The following AGFG2 variants were observed in gnomAD, a reference collection of about 807,000 sequenced individuals.
The protein encoded by AGFG2 is arf-GAP domain and FG repeat-containing protein 2.
AGFG2 carries 31 observed loss-of-function variants against 48.0 expected under a neutral mutation model. The observed-to-expected ratio is 0.65, with a 90% CI of 0.49 to 0.87. The LOEUF (loss-of-function observed/expected upper bound fraction) is 0.87, where lower values mean the gene tolerates loss of function less well. AGFG2 is among the 40% of genes least tolerant of loss of function. The pLI, the probability that AGFG2 is intolerant of heterozygous loss-of-function variation, is 0.00. For missense variants in AGFG2, 599 were observed against 632.6 expected (o/e 0.95, Z 0.57); for synonymous variants, 229 against 260.8 (o/e 0.88, Z 1.18).
chr7:100,558,808 A>G (rs1011504243), intron 6 of AGFG2, among the ~76,000 whole-genome samples: 14 of 152,148 alleles, frequency 9.2e-5, no homozygotes, highest in African/African-American at 3.4e-4. Context: ...TGTCCCAAGC[A>G]TTAAACCTTT....
chr7:100,544,162 C>T (rs924219758), intron 1 of AGFG2, among the ~76,000 whole-genome samples: 51 of 152,316 alleles, frequency 3.3e-4, no homozygotes, highest in African/African-American at 1.1e-3. Context: ...CAAGGATGGA[C>T]GCTAACTTTG....
rs1208702228 is a variant in AGFG2 at position 100,565,186 on chromosome 7, C to G, written c.*195C>G. 1.5e-6 allele frequency: 1 copy of G among 646,322 alleles called. No individual in the cohort carries two copies. The highest frequency in any genetic ancestry group is 2.7e-6 in the Non-Finnish European group (1 of 370,334). 40.0% of individuals were successfully genotyped at this position (646,322 alleles called of 1,614,324 possible). On this transcript the variant is annotated 3_prime_UTR_variant, in exon 12 of 12. Transcript: ENST00000300176. Reference sequence around the variant, plus strand: ...GCCTCTCTCCCCTCCCTCGTCCCACCCCCACCCAGGCAGGAAGCCCAGGAG... The same window carrying G: ...GCCTCTCTCCCCTCCCTCGTCCCACGCCCACCCAGGCAGGAAGCCCAGGAG...
At position 100,555,831 on chromosome 7, in the gene AGFG2, T is replaced by G; in HGVS notation, c.877+96T>G. On this transcript the variant is annotated intron_variant, in intron 6 of 11. Coordinates refer to ENST00000300176, the MANE Select transcript of AGFG2 (RefSeq NM_006076.5). ...TCATATCCTCACTATCCTAAAGAAC[T>G]GCTCAAAGCAGCAAAGCACAAAGAG... The G allele has an allele frequency of 2.7e-6, 4 of 1,508,830 alleles. No individual in the cohort carries two copies. In the South Asian group the frequency reaches 4.9e-5, roughly 19 times the overall value. 93.5% of individuals were successfully genotyped at this position (1,508,830 alleles called of 1,614,324 possible).
Position 100,553,440 on chromosome 7 carries a change from T to G in AGFG2, c.525T>G (p.Leu175=). ...GCTCCATCCCAGAAGGGAAGCCCCT[T>G]CGGACACTTCTGGGTGATCCTGCAC... The part of the protein sequence containing the change: ...VQGSIPEGKP[L]RTLLGDPAPS... The change falls in exon 4 of 12, where the codon CTT becomes CTG. Residue 175 remains leucine (L), a synonymous_variant. Coordinates refer to ENST00000300176, the MANE Select transcript of AGFG2 (RefSeq NM_006076.5). 6.2e-7 allele frequency: 1 copy of G among 1,614,170 alleles called. No homozygotes were observed. The highest frequency in any genetic ancestry group is 8.5e-7 in the Non-Finnish European group (1 of 1,180,004).
At chr7:100,558,440 C>T (rs777611358) in intron 6 of AGFG2, among the ~76,000 whole-genome samples, 3 of 151,900 alleles carry the variant, frequency 2.0e-5, no homozygotes, top group African/African-American at 2.4e-5. Context: ...TGGGAGCACT[C>T]GAGGAAACAG....
intron 5 of AGFG2, among the ~76,000 whole-genome samples, chr7:100,555,278 T>TG (rs1584387159): frequency 1.4e-5 from 2 of 139,796 alleles, no homozygotes; most frequent in Non-Finnish European, 3.1e-5. Context: ...TTTTTTTTTT[T>TG]TTTTTTTTTT....
At chr7:100,541,150 T>C (rs1001426701) in intron 1 of AGFG2, among the ~76,000 whole-genome samples, 3 of 152,134 alleles carry the variant, frequency 2.0e-5, no homozygotes, top group Admixed American at 2.0e-4. Context: ...CATATGGGCA[T>C]TGCGGTTTCC....
Position 100,562,196 on chromosome 7 carries a change from C to T in AGFG2, c.878-63C>T. On this transcript the variant is annotated intron_variant, in intron 6 of 11. Transcript: ENST00000300176. The surrounding 1 kb of genome is among the most constrained non-coding windows in gnomAD (Gnocchi z 5.4). Reference sequence around the variant, plus strand: ...ATCACCACCACCACCTCCATCTGCTCTCCTGCCCCTCCCGCCCTGTCTTAC... The same window carrying T: ...ATCACCACCACCACCTCCATCTGCTTTCCTGCCCCTCCCGCCCTGTCTTAC... 1 of 1,576,916 alleles carries T rather than the reference C, an allele frequency of 6.3e-7. No individual in the cohort carries two copies. The highest frequency in any genetic ancestry group is 8.6e-7 in the Non-Finnish European group (1 of 1,157,358).
chr7:100,550,229 C>T (rs1047851697), intron 2 of AGFG2, among the ~76,000 whole-genome samples, 167 bp from the exon 3 acceptor site: 3 of 151,362 alleles, frequency 2.0e-5, no homozygotes, highest in African/African-American at 7.3e-5. Context: ...ATTGCTTGAA[C>T]CCCGGAGGTG....
Position 100,539,370 on chromosome 7 carries a change from C to A in AGFG2, c.24C>A (p.Gly8=). 1 of 1,273,116 alleles carries A rather than the reference C, an allele frequency of 7.9e-7. No individual in the cohort carries two copies. The highest frequency in any genetic ancestry group is 9.9e-7 in the Non-Finnish European group (1 of 1,006,048). 78.9% of individuals were successfully genotyped at this position (1,273,116 alleles called of 1,614,324 possible). Residue 8 remains glycine, a synonymous_variant, in exon 1 of 12, where the codon GGC becomes GGA. Transcript: ENST00000300176. The part of the protein sequence containing the change: MVMAAKK[G]PGPGGGVSGG... Reference sequence around the variant, plus strand: ...CGATGGTGATGGCGGCGAAGAAGGGCCCGGGCCCGGGCGGCGGGGTCAGCG... The same window carrying A: ...CGATGGTGATGGCGGCGAAGAAGGGACCGGGCCCGGGCGGCGGGGTCAGCG...
chr7:100,548,586 T>G (rs985660578), intron 1 of AGFG2, among the ~76,000 whole-genome samples: 1 of 152,168 alleles, frequency 6.6e-6, no homozygotes, highest in Non-Finnish European at 1.5e-5. Flanking sequence ...GTGCTGGGAT[T>G]ACAGGTGTGA....
rs1351130213 is a variant in AGFG2, at chr7:100,539,288, G to A, written c.-59G>A. ...GGCGTGCGGAGGCGGCTGAGGAGGC[G>A]GGAAGGCGGCAGTGGTTGAAGGGGT... On this transcript the variant is annotated 5_prime_UTR_variant, in exon 1 of 12. Coordinates refer to ENST00000300176, the MANE Select transcript of AGFG2 (RefSeq NM_006076.5). 2.4e-6 allele frequency: 3 copies of A among 1,271,530 alleles called. No homozygotes were observed. Among genetic ancestry groups the A allele is most frequent in the African/African-American group, 1.5e-5 (1 of 64,632 alleles). The allele number at this position is 1,271,530 out of a possible 1,614,324, so 78.8% of individuals were successfully genotyped here.
Position 100,555,727 on chromosome 7 carries a change from C to G in AGFG2, c.869C>G (p.Thr290Ser). The G allele has an allele frequency of 6.2e-7, 1 of 1,614,094 alleles. No individual in the cohort carries two copies. Among genetic ancestry groups the G allele is most frequent in the Non-Finnish European group, 8.5e-7 (1 of 1,179,946 alleles). ...AGQASFQAQPTPAGSSQGTPF... is the reference protein window; with the variant it reads ...AGQASFQAQPSPAGSSQGTPF... ...CAAGCCTCGTTCCAGGCCCAGCCAA[C>G]TCCTGCAGGTAAACTCTGCCCCACT... Residue 290 changes from threonine (T) to serine (S), a missense_variant, in exon 6 of 12, where the codon ACT (threonine) becomes AGT (serine). Thr to Ser is a moderately conservative substitution (Grantham distance 58). Coordinates refer to ENST00000300176, the MANE Select transcript of AGFG2 (RefSeq NM_006076.5).
At chr7:100,558,686 C>T (rs536115688) in intron 6 of AGFG2, among the ~76,000 whole-genome samples, 4 of 151,922 alleles carry the variant, frequency 2.6e-5, no homozygotes, top group East Asian at 2.0e-4. Flanking sequence ...GGGCCACAGG[C>T]ACCCGCCACC....
intron 3 of AGFG2, among the ~76,000 whole-genome samples, chr7:100,551,170 C>T (rs1800636058): frequency 1.4e-5 from 2 of 147,748 alleles, no homozygotes; most frequent in African/African-American, 5.0e-5. Flanking sequence ...CCCAGGTTCA[C>T]GCCATTCTCC....
chr7:100,551,062 A>ATTTTTTTT (rs1562791881), intron 3 of AGFG2, among the ~76,000 whole-genome samples: 2 of 73,908 alleles, frequency 2.7e-5, no homozygotes, highest in African/African-American at 1.1e-4. Flanking sequence ...ATATATATAT[A>ATTTTTTTT]TATATTTCTT....
chr7:100,551,030 T>TTATATATATATATATATATATATATA (rs373297543), intron 3 of AGFG2, among the ~76,000 whole-genome samples: 5 of 56,026 alleles, frequency 8.9e-5, no homozygotes, highest in African/African-American at 1.8e-4. Context: ...CCTGGCTAAT[T>TTATATATATATATATATATATATATA]TATATATATA....
chr7:100,550,595 C>A, intron 3 of AGFG2, 84 bp downstream of exon 3: 7 of 1,092,712 alleles, frequency 6.4e-6, no homozygotes, highest in African/African-American at 1.6e-5. Context: ...TTGAATTTGG[C>A]CTTCTCACAA....
chr7:100,561,077 C>T (rs1306269629), intron 6 of AGFG2, among the ~76,000 whole-genome samples: 1 of 150,684 alleles, frequency 6.6e-6, no homozygotes, highest in Non-Finnish European at 1.5e-5. Flanking sequence ...CCTCGGCCTC[C>T]CAAAGTGCTA....
Sources: allele counts gnomAD v4.1 joint callset (sites outside exome capture counted in the v4.1 genomes callset), GRCh38; gene constraint gnomAD v4.1.1; non-coding constraint Gnocchi (gnomAD v3.1); transcripts MANE v1.5; gene names NCBI Gene and HGNC (gene_info 2026-07-23, HGNC 2026-07-21).